The following DLGAP3 variants were observed in gnomAD, a reference collection of about 807,000 sequenced individuals.
The protein encoded by DLGAP3 is disks large-associated protein 3.
A neutral mutation model predicts 81.2 loss-of-function variants in DLGAP3; 17 were observed. That is an observed-to-expected ratio of 0.21 (90% confidence interval 0.14 to 0.31). The LOEUF is 0.31. DLGAP3 is among the 10% of genes least tolerant of loss of function. DLGAP3 has a pLI of 1.00. For synonymous variants in DLGAP3, 577 were observed against 587.4 expected, an observed-to-expected ratio of 0.98 and a Z score of 0.26; for missense variants, 1,124 against 1,388.0, an observed-to-expected ratio of 0.81 and a Z score of 3.02.
At chr1:34,913,971 G>A (rs1283116462) in intron 1 of DLGAP3, among the ~76,000 whole-genome samples, 2 of 152,154 alleles carry the variant, frequency 1.3e-5, no homozygotes, top group Non-Finnish European at 2.9e-5. Flanking sequence ...CATAGCTCAG[G>A]GAAGGTCGTG....
chr1:34,867,224 G>A lies in DLGAP3; in HGVS notation c.2578-33C>T. The A allele has an allele frequency of 6.2e-7, 1 of 1,613,594 alleles. No homozygotes were observed. Among genetic ancestry groups the A allele is most frequent in the Non-Finnish European group, 8.5e-7 (1 of 1,179,774 alleles). ...AGAGGAAGATGGAGGGAAAGTGATT[G>A]GTCAAGGAGGTCTGAGCCCCAGCCA... On this transcript the variant is annotated intron_variant, in intron 10 of 11. Transcript: ENST00000373347. This position sits in a 1 kb window ranked among gnomAD's most constrained non-coding sequence, Gnocchi z 4.3.
At chr1:34,908,755 C>T (rs183883747) in intron 1 of DLGAP3, among the ~76,000 whole-genome samples, 6 of 152,276 alleles carry the variant, frequency 3.9e-5, no homozygotes, top group African/African-American at 1.2e-4. Context: ...CAAGGTGAGA[C>T]ATACCCAGCC....
rs1638934840 is a variant in DLGAP3, at chr1:34,868,986, C to G, written c.2104G>C (p.Ala702Pro). The part of the protein sequence containing the change: ...GLATVATEDK[A>P]LQFGRSFQRH... ...TGGAAGGAGCGTCCAAACTGCAGGGCCTTGTCTTCTGTGGCCACCGTGGCC... is the reference window on the plus strand; with the variant it reads ...TGGAAGGAGCGTCCAAACTGCAGGGGCTTGTCTTCTGTGGCCACCGTGGCC... Residue 702 changes from alanine to proline, a missense_variant, in exon 9 of 12, where the codon GCC (alanine) becomes CCC (proline). This residue lies in a region of DLGAP3 where 379 missense variants were observed against 455.7 expected (regional missense o/e 0.83). Coordinates refer to ENST00000373347, the MANE Select transcript of DLGAP3 (RefSeq NM_001080418.3). The surrounding 1 kb of genome is among the most constrained non-coding windows in gnomAD (Gnocchi z 7.5). The G allele has an allele frequency of 6.2e-7, 1 of 1,608,448 alleles. No individual in the cohort carries two copies.
chr1:34,903,881 CAGG>C (rs1363580028), intron 3 of DLGAP3, among the ~76,000 whole-genome samples: 1 of 152,190 alleles, frequency 6.6e-6, no homozygotes, highest in Admixed American at 6.5e-5. Context: ...GGCTTTGGGG[CAGG>C]AGAACTGCTT....
At chr1:34,916,676 ATTTTATTTTATTTTATTTTATTT>A (rs1557502144) in intron 1 of DLGAP3, among the ~76,000 whole-genome samples, 2 of 146,486 alleles carry the variant, frequency 1.4e-5, no homozygotes, top group Admixed American at 6.8e-5. Flanking sequence ...ATTTTATTTT[ATTTTATTTTATTTTATTTTATTT>A]TATTTTATTT....
At chr1:34,876,163 G>C (rs1187754982) in intron 8 of DLGAP3, among the ~76,000 whole-genome samples, 1 of 152,140 alleles carries the variant, frequency 6.6e-6, no homozygotes, top group Non-Finnish European at 1.5e-5. Context: ...CGGGGGGGTG[G>C]GGGTGTGCAG....
intron 5 of DLGAP3, among the ~76,000 whole-genome samples, chr1:34,891,365 G>A (rs1639309677): frequency 6.6e-6 from 1 of 152,188 alleles, no homozygotes; most frequent in Non-Finnish European, 1.5e-5. Context: ...TCAAGAACAG[G>A]AAAGGCCAGA....
chr1:34,880,409 G>C (rs1451728500), intron 8 of DLGAP3, among the ~76,000 whole-genome samples: 2 of 152,150 alleles, frequency 1.3e-5, no homozygotes, highest in Admixed American at 1.3e-4. Flanking sequence ...TCAAGAAAGA[G>C]AGGTAAGACA....
intron 5 of DLGAP3, among the ~76,000 whole-genome samples, chr1:34,888,293 A>G (rs1639264057): frequency 6.6e-6 from 1 of 152,176 alleles, no homozygotes; most frequent in African/African-American, 2.4e-5. Context: ...TTCTATTCCA[A>G]TCTACTAATG....
intron 5 of DLGAP3, among the ~76,000 whole-genome samples, chr1:34,894,263 GC>G (rs1639354219): frequency 1.9e-5 from 1 of 52,066 alleles, no homozygotes; most frequent in Admixed American, 1.9e-4. Flanking sequence ...ATAAGATAAA[GC>G]AAAAAAAAAA....
At chr1:34,911,114 T>C (rs1639634139) in intron 1 of DLGAP3, among the ~76,000 whole-genome samples, 1 of 149,718 alleles carries the variant, frequency 6.7e-6, no homozygotes, top group African/African-American at 2.5e-5. Flanking sequence ...AGAGCTGTTG[T>C]CAAAGCCAGA....
At chr1:34,893,209 C>CCAGA (rs1553122796) in intron 5 of DLGAP3, among the ~76,000 whole-genome samples, 1 of 150,826 alleles carries the variant, frequency 6.6e-6, no homozygotes, top group Non-Finnish European at 1.5e-5. Flanking sequence ...ACAATGAACA[C>CCAGA]CAGAAGGCAG....
Position 34,873,642 on chromosome 1 carries a change from T to C in DLGAP3, c.2001-4553A>G, listed in dbSNP as rs1173640988. Among the ~76,000 whole-genome samples, 1 of 152,232 alleles carries C rather than the reference T, an allele frequency of 6.6e-6. No homozygotes were observed. The highest frequency in any genetic ancestry group is 2.4e-5 in the African/African-American group (1 of 41,456). On this transcript the variant is annotated intron_variant, in intron 8 of 11. Transcript: ENST00000373347. The surrounding 1 kb of genome is among the most constrained non-coding windows in gnomAD (Gnocchi z 4.2). ...AAACACAATCATCGGAATGTAGCAC[T>C]GAGAACCCGGCTAGGGCATTGTAGT...
chr1:34,916,900 T>C (rs1639727533), intron 1 of DLGAP3, among the ~76,000 whole-genome samples: 1 of 152,122 alleles, frequency 6.6e-6, no homozygotes, highest in Non-Finnish European at 1.5e-5. Context: ...GGTTTCATCA[T>C]GTTGGCCTGG....
chr1:34,905,031 G>C lies in DLGAP3; in HGVS notation c.353C>G (p.Pro118Arg), dbSNP rs1470275039. ...TTCAAACTGATCCAGGAGTGTAGGA[G>C]GCAGGCGGGGGGCACCCTTGCCCTG... ...HPQGKGAPRLPPTLLDQFEKQ... is the reference protein window; with the variant it reads ...HPQGKGAPRLRPTLLDQFEKQ... The change falls in exon 3 of 12, where the codon CCT becomes CGT. Residue 118 changes from proline (P) to arginine (R), a missense_variant. Pro to Arg is a moderately radical substitution (Grantham distance 103, BLOSUM62 -2). Coordinates refer to ENST00000373347, the MANE Select transcript of DLGAP3 (RefSeq NM_001080418.3). 1.2e-5 allele frequency: 20 copies of C among 1,606,428 alleles called. No homozygotes were observed. The highest frequency in any genetic ancestry group is 1.4e-5 in the Non-Finnish European group (17 of 1,176,536).
chr1:34,873,879 T>G lies in DLGAP3; in HGVS notation c.2001-4790A>C, dbSNP rs1398455523. 1.9e-4 allele frequency among the ~76,000 whole-genome samples: 29 copies of G among 152,174 alleles called. No individual in the cohort carries two copies. The highest frequency in any genetic ancestry group is 2.4e-4 in the Non-Finnish European group (16 of 68,022). ...AGGAAGGATGGTAGAGACCACTAAC[T>G]GTCTTCCAAGATCCACTCTCCATTT... On this transcript the variant is annotated intron_variant, in intron 8 of 11. Transcript: ENST00000373347. The surrounding 1 kb of genome is among the most constrained non-coding windows in gnomAD (Gnocchi z 4.2).
chr1:34,915,935 C>G (rs904289275), intron 1 of DLGAP3, among the ~76,000 whole-genome samples: 13 of 152,300 alleles, frequency 8.5e-5, no homozygotes, highest in African/African-American at 3.1e-4. Context: ...TCCCATCAAT[C>G]CCAGGACACC....
At chr1:34,917,244 T>C (rs777121267) in intron 1 of DLGAP3, among the ~76,000 whole-genome samples, 2 of 152,060 alleles carry the variant, frequency 1.3e-5, no homozygotes, top group Non-Finnish European at 2.9e-5. Flanking sequence ...CCTGACCTCA[T>C]CTATATAGTC....
Position 34,868,536 on chromosome 1 carries a change from A to G in DLGAP3, c.2485+69T>C. 1.4e-6 allele frequency: 2 copies of G among 1,387,642 alleles called. No homozygotes were observed. Among genetic ancestry groups the G allele is most frequent in the South Asian group, 1.2e-5 (1 of 86,258 alleles). The allele number at this position is 1,387,642 out of a possible 1,614,324, so 86.0% of individuals were successfully genotyped here. ...TTACACTGCAGCCCCAGCCACCCCCATCAGGGTCTCCTGAGCACACACGAG... is the reference window on the plus strand; with the variant it reads ...TTACACTGCAGCCCCAGCCACCCCCGTCAGGGTCTCCTGAGCACACACGAG... On this transcript the variant is annotated intron_variant, in intron 9 of 11. Coordinates refer to ENST00000373347, the MANE Select transcript of DLGAP3 (RefSeq NM_001080418.3). The surrounding 1 kb of genome is among the most constrained non-coding windows in gnomAD (Gnocchi z 7.5).
Sources: allele counts gnomAD v4.1 joint callset (sites outside exome capture counted in the v4.1 genomes callset), GRCh38; gene constraint gnomAD v4.1.1; regional missense constraint gnomAD v4.1.1; non-coding constraint Gnocchi (gnomAD v3.1); transcripts MANE v1.5; gene names NCBI Gene and HGNC (gene_info 2026-07-23, HGNC 2026-07-21).